The following NAA38 variants were observed in gnomAD, a reference collection of about 807,000 sequenced individuals.
The protein encoded by NAA38 is N-alpha-acetyltransferase 38, NatC auxiliary subunit.
In NAA38, 15 loss-of-function variants were observed where a neutral mutation model predicts 12.6. The observed-to-expected ratio is 1.19, with a 90% CI of 0.79 to 1.83. The LOEUF (loss-of-function observed/expected upper bound fraction) is 1.83, where lower values mean the gene tolerates loss of function less well. Ranked by LOEUF, NAA38 falls within the 40% of genes most tolerant of loss-of-function variation. The pLI is 0.00. For missense variants in NAA38, 183 were observed against 171.7 expected, an observed-to-expected ratio of 1.07 and a Z score of -0.37; for synonymous variants, 88 against 69.9, an observed-to-expected ratio of 1.26 and a Z score of -1.29.
chr17:7,858,880 C>A (rs1429330366), upstream of NAA38: 5 of 1,438,438 alleles, frequency 3.5e-6, no homozygotes, highest in Non-Finnish European at 4.6e-6. Flanking sequence ...CAGCAAATCT[C>A]CAGGCCGATC....
intron 2 of NAA38, among the ~76,000 whole-genome samples, chr17:7,878,579 C>T (rs938777966): frequency 5.5e-4 from 83 of 152,012 alleles, no homozygotes; most frequent in African/African-American, 1.9e-3. Context: ...AAAAATTAGC[C>T]GGGTGTGGTG....
At chr17:7,863,108 T>C (rs183606264) in intron 3 of NAA38, 12 of 152,262 alleles carry the variant, frequency 7.9e-5, no homozygotes, top group Admixed American at 2.0e-4. Flanking sequence ...GGGCAAAGTA[T>C]GGAGCTGACA....
chr17:7,859,400 A>G (rs200735519), upstream of NAA38: 3 of 1,614,092 alleles, frequency 1.9e-6, no homozygotes, highest in East Asian at 2.2e-5. Flanking sequence ...TCTGGAGTCC[A>G]TATGGGAAAT....
At chr17:7,884,594 C>A in intron 1 of NAA38, among the ~76,000 whole-genome samples, 1 of 139,600 alleles carries the variant, frequency 7.2e-6, no homozygotes, top group Admixed American at 7.1e-5. Flanking sequence ...GTTTGGCCCC[C>A]CTCCTCAGAC....
chr17:7,870,633 G>C (rs911065827), intron 2 of NAA38, among the ~76,000 whole-genome samples: 22 of 152,098 alleles, frequency 1.4e-4, no homozygotes, highest in Non-Finnish European at 3.2e-4. Flanking sequence ...TGTAATCCCA[G>C]CACTCTGGGT....
At chr17:7,877,766 C>T (rs7406902) in intron 2 of NAA38, among the ~76,000 whole-genome samples, 45,144 of 151,952 alleles carry the variant, frequency 0.3, 7,881 homozygotes, top group East Asian at 0.82. Flanking sequence ...AGTTTTGTGG[C>T]ATAGTTGTTA....
intron 2 of NAA38, among the ~76,000 whole-genome samples, chr17:7,879,310 T>C (rs1967229108): frequency 6.6e-6 from 1 of 152,206 alleles, no homozygotes; most frequent in African/African-American, 2.4e-5. Context: ...AGTCTTTTAC[T>C]CTGCTTGTTG....
At chr17:7,866,568 C>T in intron 2 of NAA38, 1 of 1,189,810 alleles carries the variant, frequency 8.4e-7, no homozygotes, top group East Asian at 3.2e-5. Context: ...TCTGAAATGC[C>T]CCCCAAGCTT....
upstream of NAA38, chr17:7,860,856 C>A (rs1880760944): frequency 6.6e-6 from 1 of 151,998 alleles, no homozygotes; most frequent in Non-Finnish European, 1.5e-5. Context: ...CCTTTTGGGG[C>A]AAAGAGGTGG....
In NAA38 at chr17:7,856,716, T is replaced by A; in HGVS notation, c.*15A>T. 1 of 1,601,834 alleles carries A rather than the reference T, an allele frequency of 6.2e-7. No homozygotes were observed. Among genetic ancestry groups the A allele is most frequent in the East Asian group, 2.2e-5 (1 of 44,818 alleles). On this transcript the variant is annotated 3_prime_UTR_variant, in exon 3 of 3. Transcript: ENST00000575771. ...CATAAGTTTAATGAAGTCTGAAAGG[T>A]AAGCGCCATCGTGGTCAGAGATACG...
upstream of NAA38, chr17:7,859,163 G>C: frequency 3.3e-6 from 2 of 601,190 alleles, no homozygotes; most frequent in Non-Finnish European, 5.9e-6. Context: ...TGAGGGGACA[G>C]TTGACCCTTT....
chr17:7,856,920 AG>A, intron 2 of NAA38, 77 bp from the exon 3 acceptor site: 1 of 1,592,780 alleles, frequency 6.3e-7, no homozygotes, highest in Non-Finnish European at 8.6e-7. Context: ...AACGAGCCCC[AG>A]AAAACAAGGG....
At chr17:7,865,367 A>AGGATG (rs1458092880) in intron 3 of NAA38, 2 of 152,266 alleles carry the variant, frequency 1.3e-5, no homozygotes, top group African/African-American at 4.8e-5. Flanking sequence ...TGTCAAACAT[A>AGGATG]GGATGCTATT....
chr17:7,857,997 A>G (rs1417771627), upstream of NAA38: 21 of 1,507,584 alleles, frequency 1.4e-5, no homozygotes, highest in Non-Finnish European at 1.8e-5. Context: ...GTGGCCGGAA[A>G]AGGACAATGG....
chr17:7,866,576 C>G (rs2151389184), intron 2 of NAA38: 1 of 1,163,346 alleles, frequency 8.6e-7, no homozygotes, highest in South Asian at 4.3e-5. Flanking sequence ...GCCCCCCAAG[C>G]TTTGCATCAG....
chr17:7,874,552 G>C (rs1166372716), intron 2 of NAA38, among the ~76,000 whole-genome samples: 1 of 152,052 alleles, frequency 6.6e-6, no homozygotes, highest in Non-Finnish European at 1.5e-5. Context: ...AGAAATAGGG[G>C]CTTCTTACAC....
At chr17:7,879,872 A>C (rs1459675836) in intron 2 of NAA38, among the ~76,000 whole-genome samples, 1 of 152,034 alleles carries the variant, frequency 6.6e-6, no homozygotes, top group African/African-American at 2.4e-5. Flanking sequence ...ACCTGGAAAC[A>C]CAGAAGGAGA....
upstream of NAA38, chr17:7,857,958 C>A (rs1260876984): frequency 5.5e-6 from 8 of 1,459,968 alleles, no homozygotes. Context: ...CAGTCCAAAC[C>A]CCGCCCCTGA....
At chr17:7,858,894 AGGG>A (rs2078859453), upstream of NAA38, 1 of 1,377,150 alleles carries the variant, frequency 7.3e-7, no homozygotes. Context: ...GCCGATCTTC[AGGG>A]CAACATTTTT....
Sources: gnomAD v4.1 joint callset for allele counts (sites outside exome capture counted in the v4.1 genomes callset) on GRCh38, gnomAD v4.1.1 for gene constraint, MANE v1.5 for transcripts, NCBI Gene and HGNC (gene_info 2026-07-23, HGNC 2026-07-21) for gene names.